DDX17: variants seen among roughly 807,000 people sequenced by gnomAD.
DDX17 encodes DEAD-box helicase 17.
In DDX17, 10 loss-of-function variants were observed where a neutral mutation model predicts 80.8. That is an observed-to-expected ratio of 0.12 (90% confidence interval 0.08 to 0.21). The LOEUF is 0.21. DDX17 is among the 10% of genes least tolerant of loss of function. The pLI, the probability that DDX17 is intolerant of heterozygous loss-of-function variation, is 1.00. For missense variants in DDX17, 586 were observed against 957.4 expected, an observed-to-expected ratio of 0.61 and a Z score of 5.12; for synonymous variants, 339 against 336.2, an observed-to-expected ratio of 1.01 and a Z score of -0.09.
chr22:38,506,116 G>A lies in DDX17; in HGVS notation c.122C>T (p.Ala41Val). The change falls in exon 1 of 13, where the codon GCC becomes GTC. Residue 41 changes from alanine to valine, a missense_variant. Physicochemically the swap from Ala to Val is moderately conservative, Grantham distance 64. Around this residue, in one of 4 missense-constraint regions of DDX17, gnomAD observed 215 missense variants for 238.4 expected, o/e 0.90. Coordinates refer to ENST00000403230, the MANE Select transcript of DDX17 (RefSeq NM_006386.5). ...CGGCGCCTCCGCTGTTGGGGCGGCG[G>A]CAGGCGCAGCGCTCTCTCGCTCCGA... The A allele has an allele frequency of 1.3e-6, 2 of 1,575,654 alleles. No individual in the cohort carries two copies. The highest frequency in any genetic ancestry group is 1.7e-6 in the Non-Finnish European group (2 of 1,161,540).
intron 1 of DDX17, among the ~76,000 whole-genome samples, chr22:38,501,514 C>T (rs4821791): frequency 3.3e-4 from 50 of 152,112 alleles, no homozygotes; most frequent in Admixed American, 6.5e-4. Context: ...TTAAAAATCC[C>T]TTTATTGAGA....
intron 11 of DDX17, chr22:38,490,071 A>C: frequency 9.3e-7 from 1 of 1,071,408 alleles, no homozygotes; most frequent in Non-Finnish European, 1.1e-6. Flanking sequence ...ACATGATGCA[A>C]GTTCTTCATA....
Position 38,489,509 on chromosome 22 carries a change from T to C in DDX17, c.1448-1394A>G, listed in dbSNP as rs1204611401. 8.1e-6 allele frequency: 8 copies of C among 985,318 alleles called. No homozygotes were observed. Among genetic ancestry groups the C allele is most frequent in the Non-Finnish European group, 9.6e-6 (8 of 829,828 alleles). The allele number at this position is 985,318 out of a possible 1,614,324, so 61.0% of individuals were successfully genotyped here. A position where few individuals can be genotyped will look rare whatever the true frequency, so the allele number is the denominator to read the frequency against. On this transcript the variant is annotated intron_variant, in intron 11 of 12. Transcript: ENST00000403230. This position sits in a 1 kb window ranked among gnomAD's most constrained non-coding sequence, Gnocchi z 4.6. ...CCTCCAACGCCTCCCCCAAGGATAA[T>C]TGGGGTGATTGTAGAAAAAAATAAT... is the stretch of plus-strand genomic sequence containing the variant.
chr22:38,506,217 G>A lies in DDX17; in HGVS notation c.21C>T (p.Ala7=), dbSNP rs1299483954. 1 of 1,606,544 alleles carries A rather than the reference G, an allele frequency of 6.2e-7. No individual in the cohort carries two copies. The highest frequency in any genetic ancestry group is 8.5e-7 in the Non-Finnish European group (1 of 1,177,102). ...ACGGGAGCAAAACACAGAGAATCGG[G>A]GCTACAAAGCCGGTGGGCAGGTTTG... Residue 7 remains alanine, a synonymous_variant, in exon 1 of 13, where the codon GCC becomes GCT. Coordinates refer to ENST00000403230, the MANE Select transcript of DDX17 (RefSeq NM_006386.5).
chr22:38,506,221 A>G lies in DDX17; in HGVS notation c.17T>C (p.Val6Ala), dbSNP rs2089882501. 1 of 1,605,856 alleles carries G rather than the reference A, an allele frequency of 6.2e-7. No individual in the cohort carries two copies. Among genetic ancestry groups the G allele is most frequent in the South Asian group, 1.1e-5 (1 of 90,040 alleles). ...GAGCAAAACACAGAGAATCGGGGCT[A>G]CAAAGCCGGTGGGCAGGTTTGGCTA... is the stretch of plus-strand genomic sequence containing the variant. Residue 6 changes from valine to alanine, a missense_variant, in exon 1 of 13, where the codon GTA (valine) becomes GCA (alanine). Transcript: ENST00000403230.
At chr22:38,498,359 C>A in intron 4 of DDX17, 81 bp downstream of exon 4, 1 of 1,576,218 alleles carries the variant, frequency 6.3e-7, no homozygotes, top group Non-Finnish European at 8.7e-7. Context: ...GGCACTTCTA[C>A]GAAGAACTGA....
chr22:38,505,646 C>G (rs2089873318), intron 1 of DDX17: 1 of 326,924 alleles, frequency 3.1e-6, no homozygotes, highest in Non-Finnish European at 5.5e-6. Flanking sequence ...GCGCCAAAGC[C>G]CGGGCCTGGG....
At chr22:38,501,409 T>C (rs1308972248) in intron 1 of DDX17, 129 bp from the exon 2 acceptor site, 1 of 1,117,594 alleles carries the variant, frequency 8.9e-7, no homozygotes, top group African/African-American at 1.6e-5. Context: ...ACCATTTTAT[T>C]TGCTGTGATT....
rs557873062 is a variant in DDX17, at chr22:38,489,953, T to C, written c.1448-1838A>G. ...AGTAGAACAAGTTCAATTACTACACTGGATGCGTTAAGTGTGCTTTCCTAG... is the reference window on the plus strand; with the variant it reads ...AGTAGAACAAGTTCAATTACTACACCGGATGCGTTAAGTGTGCTTTCCTAG... On this transcript the variant is annotated intron_variant, in intron 11 of 12. Transcript: ENST00000403230. This position sits in a 1 kb window ranked among gnomAD's most constrained non-coding sequence, Gnocchi z 4.6. 2 of 1,005,584 alleles carry C rather than the reference T, an allele frequency of 2.0e-6. No individual in the cohort carries two copies. The highest frequency in any genetic ancestry group is 2.4e-6 in the Non-Finnish European group (2 of 841,510). The allele number at this position is 1,005,584 out of a possible 1,614,324, so 62.3% of individuals were successfully genotyped here. A position where few individuals can be genotyped will look rare whatever the true frequency, so the allele number is the denominator to read the frequency against.
At position 38,498,254 on chromosome 22, in the gene DDX17, G is replaced by A. The variant is rs982025994; in HGVS notation, c.673-104C>T. 3.5e-6 allele frequency: 5 copies of A among 1,447,698 alleles called. No homozygotes were observed. In the African/African-American group the frequency reaches 7.1e-5, roughly 20 times the overall value. 89.7% of individuals were successfully genotyped at this position (1,447,698 alleles called of 1,614,324 possible). ...TGCATAAATAGGAAAGTGAAAAACA[G>A]AACTTACCACTGCTATATACAGGAA... On this transcript the variant is annotated intron_variant, in intron 4 of 12. Coordinates refer to ENST00000403230, the MANE Select transcript of DDX17 (RefSeq NM_006386.5).
At chr22:38,503,847 A>G (rs2089854333) in intron 1 of DDX17, among the ~76,000 whole-genome samples, 1 of 152,254 alleles carries the variant, frequency 6.6e-6, no homozygotes, top group Non-Finnish European at 1.5e-5. Context: ...TCAACTGTGT[A>G]ACACTCAGTT....
In DDX17 at chr22:38,486,330, A is replaced by T; in HGVS notation, c.1795T>A (p.Ser599Thr). The change falls in exon 13 of 13, where the codon TCT becomes ACT. Residue 599 changes from serine to threonine, a missense_variant. Physicochemically the swap from Ser to Thr is moderately conservative, Grantham distance 58. This residue lies in a region of DDX17 where 221 missense variants were observed against 261.4 expected (regional missense o/e 0.85). Transcript: ENST00000403230. ...TCACTACGATCCCGATAGCTTGCAGAGTCTCTCCGGCCACCATCCTTGACT... is the reference window on the plus strand; with the variant it reads ...TCACTACGATCCCGATAGCTTGCAGTGTCTCTCCGGCCACCATCCTTGACT... 4.3e-6 allele frequency: 7 copies of T among 1,614,172 alleles called. No individual in the cohort carries two copies. Among genetic ancestry groups the T allele is most frequent in the Admixed American group, 1.7e-5 (1 of 60,018 alleles).
At chr22:38,492,631 C>T (rs1052125449) in intron 10 of DDX17, among the ~76,000 whole-genome samples, 1 of 152,180 alleles carries the variant, frequency 6.6e-6, no homozygotes, top group Non-Finnish European at 1.5e-5. Context: ...GGATTACAGG[C>T]ATATGCCACC....
At position 38,485,030 on chromosome 22, in the gene DDX17, C is replaced by A. The variant is rs1462089342; in HGVS notation, c.*905G>T. The A allele has an allele frequency of 6.6e-6, 1 of 152,178 alleles. No individual in the cohort carries two copies. Among genetic ancestry groups the A allele is most frequent in the Non-Finnish European group, 1.5e-5 (1 of 68,048 alleles). The allele number at this position is 152,178 out of a possible 1,614,324, so 9.4% of individuals were successfully genotyped here. A position where few individuals can be genotyped will look rare whatever the true frequency, so the allele number is the denominator to read the frequency against. Reference sequence around the variant, plus strand: ...TTTATAATTAAATGTGCTTTTTACACTGCAGGTCAATATAAAAACTGGTTA... The same window carrying A: ...TTTATAATTAAATGTGCTTTTTACAATGCAGGTCAATATAAAAACTGGTTA... On this transcript the variant is annotated 3_prime_UTR_variant, in exon 13 of 13. Transcript: ENST00000403230.
intron 12 of DDX17, 38 bp downstream of exon 12, chr22:38,487,841 C>G (rs778118439): frequency 1.2e-6 from 2 of 1,611,940 alleles, no homozygotes; most frequent in African/African-American, 1.3e-5. Flanking sequence ...AAAGAGATAC[C>G]TTGGCAGTAC....
chr22:38,499,042 T>C (rs987570944), intron 3 of DDX17, among the ~76,000 whole-genome samples: 5 of 152,084 alleles, frequency 3.3e-5, no homozygotes, highest in African/African-American at 7.2e-5. Flanking sequence ...GCTGCTACAA[T>C]AGTCTACCTC....
intron 6 of DDX17, 30 bp downstream of exon 6, chr22:38,495,766 T>C (rs747630772): frequency 1.4e-6 from 2 of 1,454,364 alleles, no homozygotes; most frequent in Non-Finnish European, 1.8e-6. Flanking sequence ...TAAGATAAAC[T>C]AACAATTCTT....
intron 11 of DDX17, 146 bp from the exon 12 acceptor site, chr22:38,488,261 CA>C: frequency 1.9e-6 from 3 of 1,541,266 alleles, no homozygotes; most frequent in South Asian, 1.3e-5. Context: ...TGAACAGAAA[CA>C]AAAAAAGACT....
intron 10 of DDX17, 150 bp downstream of exon 10, chr22:38,493,560 T>C (rs889210658): frequency 7.7e-6 from 5 of 650,492 alleles, no homozygotes; most frequent in African/African-American, 5.5e-5. Context: ...TGAGTGGCTA[T>C]AACAGAGACC....
Sources: gnomAD v4.1 joint callset for allele counts (sites outside exome capture counted in the v4.1 genomes callset) on GRCh38, gnomAD v4.1.1 for gene constraint, gnomAD v4.1.1 regional missense constraint, Gnocchi (gnomAD v3.1) non-coding constraint, MANE v1.5 for transcripts, NCBI Gene and HGNC (gene_info 2026-07-23, HGNC 2026-07-21) for gene names.